Variants in RGSL1 observed in about 807,000 individuals in gnomAD.
RGSL1 encodes the protein regulator of G protein signaling like 1, also known as regulator of G protein signaling protein-like.
RGSL1 carries 97 observed loss-of-function variants against 124.7 expected under a neutral mutation model. The observed-to-expected ratio is 0.78, with a 90% CI of 0.66 to 0.92. RGSL1 has a LOEUF of 0.92. Ranked by LOEUF, RGSL1 falls within the 40% of genes least tolerant of loss-of-function variation. The pLI is 0.00. For synonymous variants in RGSL1, 424 were observed against 438.1 expected, an observed-to-expected ratio of 0.97 and a Z score of 0.40; for missense variants, 1,233 against 1,288.4, an observed-to-expected ratio of 0.96 and a Z score of 0.66.
intron 9 of RGSL1, among the ~76,000 whole-genome samples, chr1:182,515,685 G>T (rs1016033302): frequency 5.9e-5 from 9 of 152,216 alleles, no homozygotes; most frequent in African/African-American, 1.9e-4. Flanking sequence ...GGCTCCGCCG[G>T]CACGGCAAAC....
chr1:182,508,535 G>A (rs924519096), intron 9 of RGSL1, among the ~76,000 whole-genome samples: 2 of 151,910 alleles, frequency 1.3e-5, no homozygotes, highest in African/African-American at 4.8e-5. Flanking sequence ...CTGACCTCAG[G>A]TGATCCACCC....
Position 182,532,755 on chromosome 1 carries a change from G to C in RGSL1, c.2458G>C (p.Asp820His), listed in dbSNP as rs1489333868. ...TCCTAGTAAGCGCCAGGAATTTGAA[G>C]ACTATCTTCACCAGGAAATGCAAAA... is the stretch of plus-strand genomic sequence containing the variant. ...LNPSKRQEFE[D>H]YLHQEMQNSK... Residue 820 changes from aspartate to histidine, a missense_variant, in exon 14 of 22, where the codon GAC becomes CAC. Transcript: ENST00000294854. 6.4e-7 allele frequency: 1 copy of C among 1,550,798 alleles called. No individual in the cohort carries two copies. Among genetic ancestry groups the C allele is most frequent in the South Asian group, 1.2e-5 (1 of 84,016 alleles).
At chr1:182,557,552 C>G (rs1660932090) in intron 21 of RGSL1, among the ~76,000 whole-genome samples, 1 of 152,132 alleles carries the variant, frequency 6.6e-6, no homozygotes, top group Non-Finnish European at 1.5e-5. Flanking sequence ...CATGGGTGAA[C>G]CTGCATGTTG....
chr1:182,532,649 T>C lies in RGSL1; in HGVS notation c.2365-13T>C. 6.5e-7 allele frequency: 1 copy of C among 1,549,890 alleles called. No individual in the cohort carries two copies. The highest frequency in any genetic ancestry group is 8.7e-7 in the Non-Finnish European group (1 of 1,145,818). On this transcript the variant is annotated splice_polypyrimidine_tract_variant and intron_variant, in intron 13 of 21. Transcript: ENST00000294854. ...TACTAATGAACATGTTATACTCCTC[T>C]TTCTTTCCCCAGAAGAAAGGCTGGA... is the stretch of plus-strand genomic sequence containing the variant.
At chr1:182,454,941 C>A (rs1418872757) in intron 2 of RGSL1, among the ~76,000 whole-genome samples, 1 of 152,096 alleles carries the variant, frequency 6.6e-6, no homozygotes, top group Non-Finnish European at 1.5e-5. Context: ...GGCGAAATTT[C>A]AGTCAAGTGG....
At chr1:182,517,415 T>C (rs1051024385) in intron 9 of RGSL1, among the ~76,000 whole-genome samples, 2 of 146,176 alleles carry the variant, frequency 1.4e-5, no homozygotes, top group African/African-American at 5.1e-5. Context: ...CTTATCTCTT[T>C]CTCAAGTTTT....
intron 14 of RGSL1, among the ~76,000 whole-genome samples, chr1:182,539,995 G>T (rs1053459670): frequency 2.0e-5 from 3 of 152,186 alleles, no homozygotes; most frequent in Non-Finnish European, 1.5e-5. Context: ...TAACTGTGGT[G>T]TGCTTCTATT....
At chr1:182,455,904 C>CT (rs1289212649) in intron 2 of RGSL1, among the ~76,000 whole-genome samples, 2 of 152,158 alleles carry the variant, frequency 1.3e-5, no homozygotes, top group Non-Finnish European at 2.9e-5. Flanking sequence ...CATGTTCAGA[C>CT]TTTCATCCGA....
intron 9 of RGSL1, among the ~76,000 whole-genome samples, chr1:182,511,793 G>A (rs1657482730): frequency 6.6e-6 from 1 of 152,158 alleles, no homozygotes; most frequent in Non-Finnish European, 1.5e-5. Flanking sequence ...TGTCATTGGT[G>A]TTTCGATAGG....
intron 9 of RGSL1, among the ~76,000 whole-genome samples, chr1:182,516,031 G>A (rs1657866361): frequency 6.6e-6 from 1 of 152,202 alleles, no homozygotes; most frequent in South Asian, 2.1e-4. Flanking sequence ...AGATAGCACA[G>A]CAAAGTCCAG....
chr1:182,491,932 A>G (rs1164259615), intron 8 of RGSL1, among the ~76,000 whole-genome samples: 1 of 152,302 alleles, frequency 6.6e-6, no homozygotes, highest in East Asian at 1.9e-4. Context: ...TTGCTATCTC[A>G]GCCTCATTGT....
chr1:182,542,196 G>T (rs1243144724), intron 15 of RGSL1, among the ~76,000 whole-genome samples: 1 of 152,118 alleles, frequency 6.6e-6, no homozygotes, highest in Non-Finnish European at 1.5e-5. Flanking sequence ...TAGCTTCAGA[G>T]TTTTAGATTT....
At chr1:182,449,206 G>A (rs1651646465), upstream of RGSL1, 1 of 152,154 alleles carries the variant, frequency 6.6e-6, no homozygotes, top group Admixed American at 6.5e-5. Flanking sequence ...AGAACATCAA[G>A]ATGTAAAGCA....
chr1:182,473,855 C>A lies in RGSL1; in HGVS notation c.744C>A (p.Ser248Arg). Residue 248 changes from serine to arginine, a missense_variant, in exon 6 of 22, where the codon AGC (serine) becomes AGA (arginine). Transcript: ENST00000294854. ...KCHHFQKRYS[S>R]RKAKRKMWQL... ...ACCACTTTCAGAAACGGTACTCAAG[C>A]AGGAAAGCCAAGAGGAAGATGTGGC... 6.4e-7 allele frequency: 1 copy of A among 1,551,750 alleles called. No homozygotes were observed. Among genetic ancestry groups the A allele is most frequent in the Non-Finnish European group, 8.7e-7 (1 of 1,147,008 alleles).
At chr1:182,512,442 G>T (rs1657530618) in intron 9 of RGSL1, among the ~76,000 whole-genome samples, 1 of 152,164 alleles carries the variant, frequency 6.6e-6, no homozygotes, top group Non-Finnish European at 1.5e-5. Context: ...GGTGCAACAG[G>T]GGTGTGGCTC....
chr1:182,499,159 G>A (rs973469195), intron 9 of RGSL1, among the ~76,000 whole-genome samples: 1 of 152,172 alleles, frequency 6.6e-6, no homozygotes, highest in Non-Finnish European at 1.5e-5. Context: ...TGTTGTTTTG[G>A]GGTGAAGATT....
intron 9 of RGSL1, among the ~76,000 whole-genome samples, chr1:182,498,259 T>TAAA (rs1656076922): frequency 6.6e-6 from 1 of 152,020 alleles, no homozygotes. Flanking sequence ...CATTTCAAGC[T>TAAA]GGCTTATGTC....
intron 9 of RGSL1, among the ~76,000 whole-genome samples, chr1:182,500,282 A>C (rs1231991377): frequency 6.6e-6 from 1 of 152,190 alleles, no homozygotes. Context: ...CTTTCCCCCC[A>C]TTGAACGGTG....
In RGSL1 at chr1:182,537,493, G is replaced by A. The variant is rs530544935; in HGVS notation, c.2495-2754G>A. 2.9e-4 allele frequency among the ~76,000 whole-genome samples: 44 copies of A among 152,254 alleles called. No homozygotes were observed. In the South Asian group the frequency reaches 4.6e-3, roughly 16 times the overall value. ...AGAACCTTAAAATAGGTTTCCAGAC[G>A]TTGTAAATTTTATCTTTTTAGGTGT... On this transcript the variant is annotated intron_variant, in intron 14 of 21. Coordinates refer to ENST00000294854, the MANE Select transcript of RGSL1 (RefSeq NM_001137669.2).
Sources: gnomAD v4.1 joint callset for allele counts (sites outside exome capture counted in the v4.1 genomes callset) on GRCh38, gnomAD v4.1.1 for gene constraint, MANE v1.5 for transcripts, NCBI Gene and HGNC (gene_info 2026-07-23, HGNC 2026-07-21) for gene names.